Variants in SYBU observed in about 807,000 individuals in gnomAD.
The protein encoded by SYBU is syntabulin.
A neutral mutation model predicts 35.9 loss-of-function variants in SYBU; 21 were observed. That is an observed-to-expected ratio of 0.58 (90% confidence interval 0.41 to 0.84). The LOEUF is 0.84. Ranked by LOEUF, SYBU falls within the 40% of genes least tolerant of loss-of-function variation. The pLI, the probability that SYBU is intolerant of heterozygous loss-of-function variation, is 0.00. For synonymous variants in SYBU, 319 were observed against 324.3 expected (o/e 0.98, Z 0.18); for missense variants, 768 against 848.2 (o/e 0.91, Z 1.17).
intron 2 of SYBU, among the ~76,000 whole-genome samples, chr8:109,632,673 TAG>T (rs1438865944): frequency 6.6e-5 from 10 of 152,144 alleles, no homozygotes; most frequent in Admixed American, 1.3e-4. Flanking sequence ...AAGAAGAAAA[TAG>T]AGTCAAAGAA....
intron 4 of SYBU, among the ~76,000 whole-genome samples, chr8:109,582,539 C>CTTGGCT (rs1823155814): frequency 6.6e-6 from 1 of 152,170 alleles, no homozygotes; most frequent in South Asian, 2.1e-4. Context: ...TTCTACAAAC[C>CTTGGCT]TGAATACGTA....
rs567254460 is a variant in SYBU at position 109,579,907 on chromosome 8, C to T, written c.626G>A (p.Cys209Tyr). 1.1e-5 allele frequency: 18 copies of T among 1,613,868 alleles called. No individual in the cohort carries two copies. The highest frequency in any genetic ancestry group is 1.5e-5 in the Non-Finnish European group (18 of 1,180,008). ...ATTGACAGGGCTCAGCTGATTCCTG[C>T]ACAGCATGGACAGAAGGTCCTTTTC... Reference protein sequence around the residue: ...PREKDLLSMLCRNQLSPVNIH... With the variant: ...PREKDLLSMLYRNQLSPVNIH... The change falls in exon 5 of 7, where the codon TGC becomes TAC. Residue 209 changes from cysteine (C) to tyrosine (Y), a missense_variant. Cys to Tyr is a radical substitution (Grantham distance 194). Transcript: ENST00000276646.
rs534989333 is a variant in SYBU, at chr8:109,598,191, A to G, written c.428-12029T>C. Among the ~76,000 whole-genome samples the G allele has an allele frequency of 2.6e-5, 4 of 152,362 alleles. No homozygotes were observed. The South Asian group carries it at 8.3e-4, about 32-fold the overall frequency. On this transcript the variant is annotated intron_variant, in intron 3 of 6. Coordinates refer to ENST00000276646, the MANE Select transcript of SYBU (RefSeq NM_001099754.2). ...GCAGCTTCCTGAATGGCTGCCTCTG[A>G]CAAAGTGAGAGCAGCCGGCTTGACT...
At chr8:109,680,359 T>A (rs1006951174) in intron 1 of SYBU, 3 of 152,238 alleles carry the variant, frequency 2.0e-5, no homozygotes, top group Admixed American at 2.0e-4. Flanking sequence ...TCAGAGAGAC[T>A]CAGAGTGAAG....
chr8:109,650,679 G>T (rs992875462), intron 1 of SYBU, among the ~76,000 whole-genome samples: 1 of 152,148 alleles, frequency 6.6e-6, no homozygotes, highest in Non-Finnish European at 1.5e-5. Context: ...CCTCTCTAAC[G>T]CACTGCAGAA....
upstream of SYBU, chr8:109,647,099 G>T (rs1181468083): frequency 6.6e-6 from 1 of 152,048 alleles, no homozygotes; most frequent in Non-Finnish European, 1.5e-5. Context: ...TTTCCTGATT[G>T]TCCTCCAGGT....
chr8:109,642,997 G>A (rs374512299), intron 1 of SYBU, 65 bp from the exon 2 acceptor site: 10 of 1,453,242 alleles, frequency 6.9e-6, no homozygotes, highest in South Asian at 3.1e-5. Flanking sequence ...ACTCCTGTCG[G>A]TTCCTTCAAG....
chr8:109,575,383 A>G lies in SYBU; in HGVS notation c.1515T>C (p.Ser505=), dbSNP rs769667914. 1 of 1,613,894 alleles carries G rather than the reference A, an allele frequency of 6.2e-7. No homozygotes were observed. Among genetic ancestry groups the G allele is most frequent in the Non-Finnish European group, 8.5e-7 (1 of 1,179,954 alleles). ...YSPAISELIQ[S]VLQKLQDPCP... ...AGGGGTCCTGGAGCTTCTGCAGCAC[A>G]CTCTGAATGAGCTCTGAGATGGCTG... The change falls in exon 7 of 7, where the codon AGT becomes AGC. Residue 505 remains serine, a synonymous_variant. Transcript: ENST00000276646.
chr8:109,599,535 C>A (rs1825274001), intron 3 of SYBU, among the ~76,000 whole-genome samples: 1 of 152,164 alleles, frequency 6.6e-6, no homozygotes, highest in South Asian at 2.1e-4. Flanking sequence ...GTTGAGAAAT[C>A]ACTACAACAA....
chr8:109,614,889 G>A (rs1165043721), intron 3 of SYBU, among the ~76,000 whole-genome samples: 4 of 152,252 alleles, frequency 2.6e-5, no homozygotes, highest in African/African-American at 9.6e-5. Flanking sequence ...TCCAGAACCA[G>A]TTCCTGCCTG....
intron 3 of SYBU, among the ~76,000 whole-genome samples, chr8:109,606,678 T>C (rs1197203641): frequency 2.0e-5 from 3 of 152,212 alleles, no homozygotes; most frequent in African/African-American, 7.2e-5. Context: ...ATTATACTTA[T>C]GAAATATTAA....
chr8:109,606,777 C>T (rs943697496), intron 3 of SYBU, among the ~76,000 whole-genome samples: 2 of 152,130 alleles, frequency 1.3e-5, no homozygotes, highest in Admixed American at 6.5e-5. Flanking sequence ...GGTATCTTTT[C>T]ACTGTTCTGG....
intron 2 of SYBU, among the ~76,000 whole-genome samples, chr8:109,625,787 T>C (rs1812922126): frequency 1.3e-5 from 2 of 152,312 alleles, no homozygotes; most frequent in Non-Finnish European, 2.9e-5. Context: ...TTTTTCTCAC[T>C]GTTATTAAAA....
At chr8:109,683,241 C>A (rs955703749), upstream of SYBU, among the ~76,000 whole-genome samples, 2 of 152,224 alleles carry the variant, frequency 1.3e-5, no homozygotes, top group Non-Finnish European at 2.9e-5. Context: ...CAACACCAGC[C>A]TGTGAAAGCA....
intron 1 of SYBU, among the ~76,000 whole-genome samples, chr8:109,686,262 T>C (rs2130789666): frequency 6.6e-6 from 1 of 152,222 alleles, no homozygotes; most frequent in East Asian, 1.9e-4. Flanking sequence ...ACAGGAAATG[T>C]TCCCCTTTGA....
At chr8:109,608,787 C>A (rs1563717316) in intron 3 of SYBU, among the ~76,000 whole-genome samples, 1 of 152,254 alleles carries the variant, frequency 6.6e-6, no homozygotes, top group East Asian at 1.9e-4. Context: ...TAAAAGTGAT[C>A]ATTTATTGAG....
chr8:109,603,144 G>C (rs1250377298), intron 3 of SYBU, among the ~76,000 whole-genome samples: 1 of 152,186 alleles, frequency 6.6e-6, no homozygotes, highest in Admixed American at 6.5e-5. Flanking sequence ...CTTCCTTCTC[G>C]AGCTGGGGCG....
intron 2 of SYBU, among the ~76,000 whole-genome samples, chr8:109,629,406 C>T (rs1361770254): frequency 6.6e-6 from 1 of 152,180 alleles, no homozygotes; most frequent in Non-Finnish European, 1.5e-5. Flanking sequence ...CTGAGATAAG[C>T]ACTGTTGTCA....
chr8:109,658,706 C>T (rs1816448792), intron 1 of SYBU, among the ~76,000 whole-genome samples: 1 of 152,206 alleles, frequency 6.6e-6, no homozygotes, highest in Non-Finnish European at 1.5e-5. Context: ...GTAATCCCAG[C>T]ATTTTAGAAG....
Sources: allele counts gnomAD v4.1 joint callset (sites outside exome capture counted in the v4.1 genomes callset), GRCh38; gene constraint gnomAD v4.1.1; transcripts MANE v1.5; gene names NCBI Gene and HGNC (gene_info 2026-07-23, HGNC 2026-07-21).